The following BIRC3 variants were observed in gnomAD, a reference collection of about 807,000 sequenced individuals.
BIRC3 encodes baculoviral IAP repeat containing 3.
Under a neutral mutation model 59.0 loss-of-function variants are expected in BIRC3, and 26 were observed. The observed-to-expected ratio is 0.44, with a 90% CI of 0.32 to 0.61. BIRC3 has a LOEUF of 0.61. Ranked by LOEUF, BIRC3 falls within the 20% of genes least tolerant of loss-of-function variation. The probability of loss-of-function intolerance (pLI) is 0.04; values close to 1 mark genes in which losing one functional copy is unlikely to be tolerated. For synonymous variants in BIRC3, 243 were observed against 249.2 expected, an observed-to-expected ratio of 0.98 and a Z score of 0.24; for missense variants, 641 against 711.5, an observed-to-expected ratio of 0.90 and a Z score of 1.13.
intron 1 of BIRC3, among the ~76,000 whole-genome samples, chr11:102,319,584 G>A (rs934308182): frequency 1.3e-5 from 2 of 152,184 alleles, no homozygotes; most frequent in African/African-American, 4.8e-5. Flanking sequence ...GAGAACGTGA[G>A]AAGGTTCCTG....
Position 102,337,268 on chromosome 11 carries a change from T to A in BIRC3, c.*166T>A. On this transcript the variant is annotated 3_prime_UTR_variant, in exon 9 of 9. Coordinates refer to ENST00000263464, the MANE Select transcript of BIRC3 (RefSeq NM_001165.5). ...TATGTATCTAAACCATATGAACATA[T>A]ATTTTTTAGAAACTAAGAGAATGAT... is the stretch of plus-strand genomic sequence containing the variant. 1 of 465,654 alleles carries A rather than the reference T, an allele frequency of 2.1e-6. No homozygotes were observed. Among genetic ancestry groups the A allele is most frequent in the Non-Finnish European group, 3.5e-6 (1 of 285,536 alleles). The allele number at this position is 465,654 out of a possible 1,614,324, so 28.8% of individuals were successfully genotyped here.
chr11:102,327,155 A>G (rs781509060), intron 3 of BIRC3, among the ~76,000 whole-genome samples: 4 of 152,172 alleles, frequency 2.6e-5, no homozygotes, highest in African/African-American at 4.8e-5. Context: ...AATATCTCTG[A>G]CCATTCCCTA....
intron 1 of BIRC3, chr11:102,319,917 G>A (rs1202846330): frequency 6.6e-6 from 1 of 152,398 alleles, no homozygotes; most frequent in East Asian, 1.9e-4. Context: ...TTGCTGGAGT[G>A]CAGTGGTGTG....
Position 102,322,534 on chromosome 11 carries a change from G to A in BIRC3, c.-1976G>A. The A allele has an allele frequency of 4.9e-6, 1 of 205,722 alleles. No individual in the cohort carries two copies. The highest frequency in any genetic ancestry group is 9.9e-6 in the Non-Finnish European group (1 of 100,674). The allele number at this position is 205,722 out of a possible 1,614,324, so 12.7% of individuals were successfully genotyped here. A position where few individuals can be genotyped will look rare whatever the true frequency, so the allele number is the denominator to read the frequency against. The stretch of plus-strand genomic sequence containing the variant: ...TGAAGGTTACATTTTAGGAAATGAA[G>A]AAACTTAGAAAATTAATATAAAGAC... On this transcript the variant is annotated 5_prime_UTR_variant, in exon 2 of 9. Coordinates refer to ENST00000263464, the MANE Select transcript of BIRC3 (RefSeq NM_001165.5).
Position 102,338,193 on chromosome 11 carries a change from G to A in BIRC3, c.*1091G>A, listed in dbSNP as rs1951218102. Reference sequence around the variant, plus strand: ...CTCAACACGTCCGAGTCATAACTCTGTCCTTTGCTTCTTATAGAGGTATTA... The same window carrying A: ...CTCAACACGTCCGAGTCATAACTCTATCCTTTGCTTCTTATAGAGGTATTA... On this transcript the variant is annotated 3_prime_UTR_variant, in exon 9 of 9. Transcript: ENST00000263464. The A allele has an allele frequency of 4.4e-6, 1 of 227,534 alleles. No homozygotes were observed. Among genetic ancestry groups the A allele is most frequent in the African/African-American group, 2.2e-5 (1 of 44,990 alleles). The allele number at this position is 227,534 out of a possible 1,614,324, so 14.1% of individuals were successfully genotyped here.
At position 102,338,757 on chromosome 11, in the gene BIRC3, T is replaced by A; in HGVS notation, c.*1655T>A. ...TCTTACATAGTTAGGTGAGGAAAGA[T>A]TAGAGTACTATCTTTAAGATGTAAG... On this transcript the variant is annotated 3_prime_UTR_variant, in exon 9 of 9. Coordinates refer to ENST00000263464, the MANE Select transcript of BIRC3 (RefSeq NM_001165.5). 4.4e-6 allele frequency: 1 copy of A among 228,058 alleles called. No individual in the cohort carries two copies. The allele number at this position is 228,058 out of a possible 1,614,324, so 14.1% of individuals were successfully genotyped here. A position where few individuals can be genotyped will look rare whatever the true frequency, so the allele number is the denominator to read the frequency against.
At position 102,337,750 on chromosome 11, in the gene BIRC3, T is replaced by C. The variant is rs1951211263; in HGVS notation, c.*648T>C. On this transcript the variant is annotated 3_prime_UTR_variant, in exon 9 of 9. Transcript: ENST00000263464. ...ATTACTCTTATTCTTCATTGCTTTA[T>C]TTCAATGACATTGGATAGTTTAGTC... The C allele has an allele frequency of 4.1e-6, 1 of 245,316 alleles. No homozygotes were observed. Among genetic ancestry groups the C allele is most frequent in the Admixed American group, 5.5e-5 (1 of 18,122 alleles). 15.2% of individuals were successfully genotyped at this position (245,316 alleles called of 1,614,324 possible).
chr11:102,317,803 T>C (rs1950985778), intron 1 of BIRC3, among the ~76,000 whole-genome samples: 1 of 152,194 alleles, frequency 6.6e-6, no homozygotes, highest in Non-Finnish European at 1.5e-5. Context: ...TCAATTTCTA[T>C]TTCACGTTTG....
At chr11:102,328,415 A>G (rs1301893770) in intron 4 of BIRC3, among the ~76,000 whole-genome samples, 1 of 152,238 alleles carries the variant, frequency 6.6e-6, no homozygotes, top group Non-Finnish European at 1.5e-5. Flanking sequence ...CAGTTTCACT[A>G]TATAAATTTT....
At chr11:102,320,985 G>A (rs1951026007) in intron 1 of BIRC3, among the ~76,000 whole-genome samples, 1 of 152,152 alleles carries the variant, frequency 6.6e-6, no homozygotes, top group African/African-American at 2.4e-5. Context: ...AGAGAAGCTT[G>A]GAATCTAGAA....
In BIRC3 at chr11:102,325,059, C is replaced by T; in HGVS notation, c.550C>T (p.Leu184=). ...LTFQTWPLTF[L]SPTDLAKAGF... The stretch of plus-strand genomic sequence containing the variant: ...TTTTCAGACATGGCCATTGACTTTT[C>T]TGTCGCCAACAGATCTGGCAAAAGC... Residue 184 remains leucine (L), a synonymous_variant, in exon 2 of 9, where the codon CTG becomes TTG. Coordinates refer to ENST00000263464, the MANE Select transcript of BIRC3 (RefSeq NM_001165.5). 1 of 1,614,214 alleles carries T rather than the reference C, an allele frequency of 6.2e-7. No homozygotes were observed. The highest frequency in any genetic ancestry group is 8.5e-7 in the Non-Finnish European group (1 of 1,180,034).
intron 4 of BIRC3, among the ~76,000 whole-genome samples, chr11:102,328,641 G>A (rs7937825): frequency 0.012 from 1,852 of 152,136 alleles, 29 homozygotes; most frequent in African/African-American, 0.042. Flanking sequence ...GATATAGTCC[G>A]TTTCCTGCCT....
At chr11:102,325,604 T>G (rs1192869056) in intron 3 of BIRC3, 39 bp downstream of exon 3, 1 of 1,574,770 alleles carries the variant, frequency 6.4e-7, no homozygotes. Flanking sequence ...TTCTTGTGAT[T>G]ATCATGAGAT....
In BIRC3 at chr11:102,338,426, A is replaced by G; in HGVS notation, c.*1324A>G. The G allele has an allele frequency of 4.4e-6, 1 of 229,450 alleles. No homozygotes were observed. Among genetic ancestry groups the G allele is most frequent in the Non-Finnish European group, 8.6e-6 (1 of 115,614 alleles). The allele number at this position is 229,450 out of a possible 1,614,324, so 14.2% of individuals were successfully genotyped here. On this transcript the variant is annotated 3_prime_UTR_variant, in exon 9 of 9. Transcript: ENST00000263464. ...GAGAAAAACTTAACAAATTTATTTAATCACAGATTTACATCACCGGGGAGC... is the reference window on the plus strand; with the variant it reads ...GAGAAAAACTTAACAAATTTATTTAGTCACAGATTTACATCACCGGGGAGC...
At chr11:102,327,627 G>A (rs1053793494) in intron 3 of BIRC3, among the ~76,000 whole-genome samples, 13 of 151,634 alleles carry the variant, frequency 8.6e-5, no homozygotes, top group African/African-American at 2.2e-4. Flanking sequence ...GTGACAGAGC[G>A]AGACTCTGTC....
intron 5 of BIRC3, among the ~76,000 whole-genome samples, chr11:102,330,674 T>C (rs1260385425): frequency 6.6e-6 from 1 of 152,190 alleles, no homozygotes; most frequent in African/African-American, 2.4e-5. Context: ...ATTTGTTCAT[T>C]CAACATAGGG....
chr11:102,336,783 C>A lies in BIRC3; in HGVS notation c.1603C>A (p.Pro535Thr), dbSNP rs1483351317. Residue 535 changes from proline to threonine, a missense_variant, in exon 8 of 9, where the codon CCC (proline) becomes ACC (threonine). Physicochemically the swap from Pro to Thr is conservative, Grantham distance 38. This residue lies in a region of BIRC3 where 268 missense variants were observed against 255.7 expected (regional missense o/e 1.05). Coordinates refer to ENST00000263464, the MANE Select transcript of BIRC3 (RefSeq NM_001165.5). ...AGTGCAACAGGACATAAAATATATT[C>A]CCACAGAAGATGTTTCAGGTAATAG... is the stretch of plus-strand genomic sequence containing the variant. ...LFVQQDIKYI[P>T]TEDVSDLPVE... The A allele has an allele frequency of 3.1e-6, 5 of 1,606,966 alleles. No individual in the cohort carries two copies. Among genetic ancestry groups the A allele is most frequent in the Non-Finnish European group, 3.4e-6 (4 of 1,176,914 alleles).
chr11:102,331,055 C>T lies in BIRC3; in HGVS notation c.1138C>T (p.Pro380Ser). Reference protein sequence around the residue: ...HSEDAIMMNTPVINAAVEMGF... With the variant: ...HSEDAIMMNTSVINAAVEMGF... ...AGAAGATGCAATCATGATGAATACT[C>T]CTGTGATTAATGCTGCCGTGGAAAT... The change falls in exon 6 of 9, where the codon CCT becomes TCT. Residue 380 changes from proline (P) to serine (S), a missense_variant. Pro to Ser is a moderately conservative substitution (Grantham distance 74). Transcript: ENST00000263464. 6.2e-7 allele frequency: 1 copy of T among 1,613,816 alleles called. No individual in the cohort carries two copies. Among genetic ancestry groups the T allele is most frequent in the Non-Finnish European group, 8.5e-7 (1 of 1,179,850 alleles).
chr11:102,333,343 G>A (rs1009105904), intron 6 of BIRC3, among the ~76,000 whole-genome samples: 8 of 151,844 alleles, frequency 5.3e-5, no homozygotes, highest in African/African-American at 1.7e-4. Context: ...CAGGCAGATC[G>A]CTTAAGCCCA....
Sources: allele counts gnomAD v4.1 joint callset (sites outside exome capture counted in the v4.1 genomes callset), GRCh38; gene constraint gnomAD v4.1.1; regional missense constraint gnomAD v4.1.1; transcripts MANE v1.5; gene names NCBI Gene and HGNC (gene_info 2026-07-23, HGNC 2026-07-21).